Variants in ADAMTS2 observed in about 807,000 individuals in gnomAD.
ADAMTS2 encodes the protein ADAM metallopeptidase with thrombospondin type 1 motif 2.
In ADAMTS2, 50 loss-of-function variants were observed where a neutral mutation model predicts 123.0. That is an observed-to-expected ratio of 0.41 (90% confidence interval 0.32 to 0.51). ADAMTS2 has a LOEUF of 0.51. Among genes scored for constraint, ADAMTS2 ranks in the 20% least tolerant of loss-of-function variants. The pLI is 0.35. For missense variants in ADAMTS2, 1,494 were observed against 1,705.2 expected, an observed-to-expected ratio of 0.88 and a Z score of 2.18; for synonymous variants, 678 against 695.4, an observed-to-expected ratio of 0.98 and a Z score of 0.39.
chr5:179,287,500 G>A (rs1286674044), intron 2 of ADAMTS2, among the ~76,000 whole-genome samples: 2 of 152,222 alleles, frequency 1.3e-5, no homozygotes, highest in Admixed American at 1.3e-4. Flanking sequence ...CATTCCTGCA[G>A]AGAGGCTGGC....
At chr5:179,264,987 G>A (rs527479856) in intron 3 of ADAMTS2, among the ~76,000 whole-genome samples, 44 of 151,772 alleles carry the variant, frequency 2.9e-4, no homozygotes, top group Non-Finnish European at 6.0e-4. Context: ...CATGCCGGGC[G>A]GGGCTGAGCA....
At chr5:179,142,252 A>T (rs936329199) in intron 10 of ADAMTS2, among the ~76,000 whole-genome samples, 21 of 152,236 alleles carry the variant, frequency 1.4e-4, no homozygotes, top group Admixed American at 2.6e-4. Context: ...ACAAAATGTT[A>T]AACCAGCTAC....
intron 3 of ADAMTS2, among the ~76,000 whole-genome samples, chr5:179,247,355 A>C (rs1192894577): frequency 6.6e-6 from 1 of 152,186 alleles, no homozygotes; most frequent in African/African-American, 2.4e-5. Context: ...TAGAAGGAAA[A>C]AGAATGAGGA....
chr5:179,113,120 T>A lies in ADAMTS2; in HGVS notation c.*747A>T, dbSNP rs1762597455. 6.5e-6 allele frequency: 1 copy of A among 152,920 alleles called. No homozygotes were observed. The highest frequency in any genetic ancestry group is 1.5e-5 in the Non-Finnish European group (1 of 68,600). 9.5% of individuals were successfully genotyped at this position (152,920 alleles called of 1,614,324 possible). On this transcript the variant is annotated 3_prime_UTR_variant, in exon 22 of 22. Coordinates refer to ENST00000251582, the MANE Select transcript of ADAMTS2 (RefSeq NM_014244.5). ...ATTAGCAAGACTGCATCAGACCAAG[T>A]GGAGGCCTCCTTAAAATGTTCTGAG...
At chr5:179,293,864 C>T (rs976323198) in intron 2 of ADAMTS2, among the ~76,000 whole-genome samples, 6 of 151,924 alleles carry the variant, frequency 3.9e-5, no homozygotes, top group Admixed American at 1.3e-4. Context: ...CCCTGTGATC[C>T]GCCTGCCCTG....
In ADAMTS2 at chr5:179,307,173, C is replaced by G. The variant is rs757668864; in HGVS notation, c.535-34109G>C. 6.6e-6 allele frequency among the ~76,000 whole-genome samples: 1 copy of G among 152,182 alleles called. No homozygotes were observed. The highest frequency in any genetic ancestry group is 1.5e-5 in the Non-Finnish European group (1 of 68,014). ...TAGCATGAGACAGACACAGGGGGCCCGCACTGCAGAGCTGCCCCGGCCCAC... is the reference window on the plus strand; with the variant it reads ...TAGCATGAGACAGACACAGGGGGCCGGCACTGCAGAGCTGCCCCGGCCCAC... On this transcript the variant is annotated intron_variant, in intron 2 of 21. Coordinates refer to ENST00000251582, the MANE Select transcript of ADAMTS2 (RefSeq NM_014244.5). This position sits in a 1 kb window ranked among gnomAD's most constrained non-coding sequence, Gnocchi z 5.6.
rs11746118 is a variant in ADAMTS2, at chr5:179,202,250, C to A, written c.891+5263G>T. Among the ~76,000 whole-genome samples the A allele has an allele frequency of 0.087, 13,167 of 152,072 alleles. 756 individuals are homozygous for A. The highest frequency in any genetic ancestry group is 0.15 in the South Asian group (740 of 4,808). On this transcript the variant is annotated intron_variant, in intron 4 of 21. Transcript: ENST00000251582. This position sits in a 1 kb window ranked among gnomAD's most constrained non-coding sequence, Gnocchi z 4.0. ...GCCAGGCTGCCTCCATTCTTCCAGC[C>A]GGCCCCATTCCTGCCTCAGGGCCTT...
chr5:179,298,503 G>T (rs1342793768), intron 2 of ADAMTS2, among the ~76,000 whole-genome samples: 1 of 152,214 alleles, frequency 6.6e-6, no homozygotes, highest in Admixed American at 6.5e-5. Flanking sequence ...GATCTCACAT[G>T]TGAGACTCCA....
At chr5:179,223,977 C>T (rs935389353) in intron 3 of ADAMTS2, among the ~76,000 whole-genome samples, 10 of 152,356 alleles carry the variant, frequency 6.6e-5, no homozygotes, top group African/African-American at 1.2e-4. Flanking sequence ...GGGCCAAAAA[C>T]GCCTATTGGA....
In ADAMTS2 at chr5:179,181,182, G is replaced by T. The variant is rs201091296; in HGVS notation, c.892-27C>A. The T allele has an allele frequency of 1.9e-6, 3 of 1,549,694 alleles. No individual in the cohort carries two copies. The highest frequency in any genetic ancestry group is 4.5e-5 in the East Asian group (2 of 44,568). ...TGAAAGAAACAGGGAGGCATCAGCG[G>T]GAACCACAGGCCCTAGGACTGGCTC... On this transcript the variant is annotated intron_variant, in intron 4 of 21. Coordinates refer to ENST00000251582, the MANE Select transcript of ADAMTS2 (RefSeq NM_014244.5). This position sits in a 1 kb window ranked among gnomAD's most constrained non-coding sequence, Gnocchi z 4.1.
chr5:179,132,761 G>A lies in ADAMTS2; in HGVS notation c.2209+16C>T. On this transcript the variant is annotated intron_variant, in intron 14 of 21. Coordinates refer to ENST00000251582, the MANE Select transcript of ADAMTS2 (RefSeq NM_014244.5). The surrounding 1 kb of genome is among the most constrained non-coding windows in gnomAD (Gnocchi z 6.1). ...AGGCATCCAGGCTCCAGGGTGGAGA[G>A]CAGGGACCCACTCACCATGCTTCTT... The A allele has an allele frequency of 6.2e-7, 1 of 1,614,026 alleles. No homozygotes were observed. Among genetic ancestry groups the A allele is most frequent in the Non-Finnish European group, 8.5e-7 (1 of 1,179,974 alleles).
chr5:179,165,306 C>T (rs1200174521), intron 5 of ADAMTS2, among the ~76,000 whole-genome samples: 2 of 152,184 alleles, frequency 1.3e-5, no homozygotes, highest in Non-Finnish European at 2.9e-5. Context: ...TTCCCCTGAG[C>T]GAGAAGAAGA....
chr5:179,231,166 C>T (rs898745708), intron 3 of ADAMTS2, among the ~76,000 whole-genome samples: 4 of 152,306 alleles, frequency 2.6e-5, no homozygotes, highest in East Asian at 1.9e-4. Flanking sequence ...ATACGGCACT[C>T]GTCCACTCAC....
Position 179,204,936 on chromosome 5 carries a change from G to C in ADAMTS2, c.891+2577C>G, listed in dbSNP as rs546913942. Among the ~76,000 whole-genome samples, 13 of 152,302 alleles carry C rather than the reference G, an allele frequency of 8.5e-5. No individual in the cohort carries two copies. In the East Asian group the frequency reaches 2.5e-3, roughly 29 times the overall value. ...ATCAGTGCTCACTTCTGTGCAACAG[G>C]GGACAACAGACACGGCCCAAATACT... On this transcript the variant is annotated intron_variant, in intron 4 of 21. Transcript: ENST00000251582.
chr5:179,195,622 C>T (rs57748034), intron 4 of ADAMTS2, among the ~76,000 whole-genome samples: 1 of 152,226 alleles, frequency 6.6e-6, no homozygotes, highest in South Asian at 2.1e-4. Context: ...TCCGGTCGCC[C>T]GAGTCCCCAC....
rs78566312 is a variant in ADAMTS2 at position 179,125,898 on chromosome 5, C to T, written c.2750+100G>A. 0.04 allele frequency: 60,451 copies of T among 1,524,002 alleles called. 1,338 individuals carry two copies. The highest frequency in any genetic ancestry group is 0.055 in the Middle Eastern group (288 of 5,262). 94.4% of individuals were successfully genotyped at this position (1,524,002 alleles called of 1,614,324 possible). ...GTGAGAGAGACTTGGTCAAATGCCT[C>T]GGATGATGCCAGGCCCAGGCCCCAC... On this transcript the variant is annotated intron_variant, in intron 18 of 21. Coordinates refer to ENST00000251582, the MANE Select transcript of ADAMTS2 (RefSeq NM_014244.5).
Position 179,345,162 on chromosome 5 carries a change from C to T in ADAMTS2, c.139+28G>A, listed in dbSNP as rs529407156. 1.2e-5 allele frequency: 13 copies of T among 1,085,948 alleles called. No individual in the cohort carries two copies. The Admixed American group carries it at 6.3e-4, about 52-fold the overall frequency. 67.3% of individuals were successfully genotyped at this position (1,085,948 alleles called of 1,614,324 possible). A position where few individuals can be genotyped will look rare whatever the true frequency, so the allele number is the denominator to read the frequency against. On this transcript the variant is annotated intron_variant, in intron 1 of 21. Transcript: ENST00000251582. The surrounding 1 kb of genome is among the most constrained non-coding windows in gnomAD (Gnocchi z 7.5). Reference sequence around the variant, plus strand: ...GACAGGGCCAGGCCGGCGGGGGTCCCGGGGAGTAGGGGCCGGGCCGCACCT... The same window carrying T: ...GACAGGGCCAGGCCGGCGGGGGTCCTGGGGAGTAGGGGCCGGGCCGCACCT...
At position 179,128,352 on chromosome 5, in the gene ADAMTS2, T is replaced by A. The variant is rs1474128294; in HGVS notation, c.2458-234A>T. On this transcript the variant is annotated intron_variant, in intron 16 of 21. Transcript: ENST00000251582. The surrounding 1 kb of genome is among the most constrained non-coding windows in gnomAD (Gnocchi z 4.9). The stretch of plus-strand genomic sequence containing the variant: ...CAACATTTTTGTTACCCGATCAATA[T>A]ATAACCTTGTTTTATGTGTGAGTCT... Among the ~76,000 whole-genome samples, 2 of 152,222 alleles carry A rather than the reference T, an allele frequency of 1.3e-5. No homozygotes were observed. Among genetic ancestry groups the A allele is most frequent in the South Asian group, 2.1e-4 (1 of 4,824 alleles).
chr5:179,213,639 T>C (rs1192732666), intron 3 of ADAMTS2, among the ~76,000 whole-genome samples: 1 of 152,126 alleles, frequency 6.6e-6, no homozygotes, highest in Non-Finnish European at 1.5e-5. Flanking sequence ...AAAAGTGTGG[T>C]GGCAGTTGGA....
Sources: gnomAD v4.1 joint callset for allele counts (sites outside exome capture counted in the v4.1 genomes callset) on GRCh38, gnomAD v4.1.1 for gene constraint, Gnocchi (gnomAD v3.1) non-coding constraint, MANE v1.5 for transcripts, NCBI Gene and HGNC (gene_info 2026-07-23, HGNC 2026-07-21) for gene names.